The following DGKI variants were observed in gnomAD, a reference collection of about 807,000 sequenced individuals.
DGKI encodes the protein DAG kinase iota.
In DGKI, 55 loss-of-function variants were observed where a neutral mutation model predicts 147.5. That is an observed-to-expected ratio of 0.37 (90% CI 0.30 to 0.47). The LOEUF (loss-of-function observed/expected upper bound fraction) is 0.47, where lower values mean the gene tolerates loss of function less well. DGKI is among the 20% of genes least tolerant of loss of function. The probability of loss-of-function intolerance (pLI) is 1.00; values close to 1 mark genes in which losing one functional copy is unlikely to be tolerated. For missense variants in DGKI, 1,007 were observed against 1,323.8 expected, an observed-to-expected ratio of 0.76 and a Z score of 3.71; for synonymous variants, 469 against 477.1, an observed-to-expected ratio of 0.98 and a Z score of 0.22.
chr7:137,681,384 G>C (rs1823231095), intron 2 of DGKI, among the ~76,000 whole-genome samples: 1 of 152,176 alleles, frequency 6.6e-6, no homozygotes, highest in African/African-American at 2.4e-5. Flanking sequence ...TTCAGATAGT[G>C]ATGGATGATG....
At chr7:137,624,158 A>G (rs1820851194) in intron 6 of DGKI, among the ~76,000 whole-genome samples, 1 of 152,206 alleles carries the variant, frequency 6.6e-6, no homozygotes. Context: ...TGGTAAACCT[A>G]ATCCTCTTAA....
intron 1 of DGKI, among the ~76,000 whole-genome samples, chr7:137,832,083 G>A (rs10264346): frequency 0.017 from 2,582 of 152,300 alleles, 68 homozygotes; most frequent in African/African-American, 0.059. Flanking sequence ...TTGTGGCTTC[G>A]CAGGGTATAG....
intron 21 of DGKI, among the ~76,000 whole-genome samples, chr7:137,519,925 C>T (rs972702653): frequency 6.6e-6 from 1 of 152,010 alleles, no homozygotes; most frequent in African/African-American, 2.4e-5. Flanking sequence ...CCTTTATCCC[C>T]TTTTAGAGAG....
At chr7:137,555,343 T>C (rs1818188897) in intron 19 of DGKI, among the ~76,000 whole-genome samples, 1 of 151,862 alleles carries the variant, frequency 6.6e-6, no homozygotes, top group Non-Finnish European at 1.5e-5. Context: ...TAGGGCAACA[T>C]AGTCAGACTC....
intron 10 of DGKI, among the ~76,000 whole-genome samples, chr7:137,604,186 C>T (rs1335257422): frequency 6.6e-6 from 1 of 152,154 alleles, no homozygotes; most frequent in Non-Finnish European, 1.5e-5. Flanking sequence ...GATGTTGAGG[C>T]TGCATTTTGA....
intron 1 of DGKI, among the ~76,000 whole-genome samples, chr7:137,778,766 A>G (rs1243768253): frequency 6.6e-6 from 1 of 152,252 alleles, no homozygotes; most frequent in Non-Finnish European, 1.5e-5. Flanking sequence ...AGAAAGCCTC[A>G]GTTTCCTTAC....
At chr7:137,771,565 G>A (rs998575981) in intron 1 of DGKI, 2 of 152,184 alleles carry the variant, frequency 1.3e-5, no homozygotes, top group African/African-American at 4.8e-5. Context: ...TTAAACAAGA[G>A]AAAGGAATAA....
chr7:137,546,288 A>T (rs1461937452), intron 20 of DGKI, among the ~76,000 whole-genome samples: 2 of 152,112 alleles, frequency 1.3e-5, no homozygotes, highest in Non-Finnish European at 2.9e-5. Context: ...TCCCTTGCTC[A>T]GGCCCATCAG....
At chr7:137,562,440 G>T (rs1451937379) in intron 19 of DGKI, among the ~76,000 whole-genome samples, 2 of 152,162 alleles carry the variant, frequency 1.3e-5, no homozygotes, top group Non-Finnish European at 2.9e-5. Flanking sequence ...GGAGGCTGAG[G>T]CAGGAGAATC....
chr7:137,494,945 A>T (rs1815906253), intron 21 of DGKI, among the ~76,000 whole-genome samples: 1 of 152,128 alleles, frequency 6.6e-6, no homozygotes. Flanking sequence ...ATGCGATGAC[A>T]CACAAAACAT....
rs201860205 is a variant in DGKI, at chr7:137,562,645, A to G, written c.1947+8530T>C. Among the ~76,000 whole-genome samples the G allele has an allele frequency of 2.0e-5, 3 of 152,252 alleles. No homozygotes were observed. The East Asian group carries it at 5.8e-4, about 29-fold the overall frequency. On this transcript the variant is annotated intron_variant, in intron 19 of 32. Transcript: ENST00000614521. ...AGAATGGAGGGGGGATCCTACAAACAGTAAAATATTAATAGCATTGTAAAC... is the reference window on the plus strand; with the variant it reads ...AGAATGGAGGGGGGATCCTACAAACGGTAAAATATTAATAGCATTGTAAAC...
intron 15 of DGKI, among the ~76,000 whole-genome samples, chr7:137,578,532 G>C (rs1819066629): frequency 6.6e-6 from 1 of 152,208 alleles, no homozygotes; most frequent in Admixed American, 6.5e-5. Flanking sequence ...TAAATGTGTA[G>C]TTCCAAACCG....
intron 21 of DGKI, among the ~76,000 whole-genome samples, chr7:137,498,337 C>T (rs562856077): frequency 1.3e-4 from 19 of 151,282 alleles, no homozygotes; most frequent in Non-Finnish European, 2.4e-4. Context: ...AAAAACATCC[C>T]CATAATACGA....
At chr7:137,708,717 C>A (rs1331424303) in intron 1 of DGKI, among the ~76,000 whole-genome samples, 1 of 152,066 alleles carries the variant, frequency 6.6e-6, no homozygotes, top group East Asian at 1.9e-4. Flanking sequence ...AAAAACCAGA[C>A]AATACATAAG....
intron 1 of DGKI, among the ~76,000 whole-genome samples, chr7:137,776,401 A>C (rs1213250116): frequency 2.0e-5 from 3 of 152,254 alleles, no homozygotes; most frequent in Non-Finnish European, 4.4e-5. Flanking sequence ...GCAATTATAT[A>C]TAGTTTGGTC....
intron 20 of DGKI, among the ~76,000 whole-genome samples, chr7:137,544,139 A>C (rs17169237): frequency 0.02 from 3,069 of 152,268 alleles, 68 homozygotes; most frequent in South Asian, 0.11. Flanking sequence ...TAGCACGCAC[A>C]CTCATGGAAT....
At chr7:137,453,670 G>A (rs1439158819) in intron 27 of DGKI, among the ~76,000 whole-genome samples, 3 of 152,014 alleles carry the variant, frequency 2.0e-5, no homozygotes, top group African/African-American at 7.3e-5. Context: ...CAGCCTCAAA[G>A]GTAACATTCA....
rs779988185 is a variant in DGKI at position 137,469,611 on chromosome 7, T to A, written c.2382A>T (p.Glu794Asp). 6.2e-7 allele frequency: 1 copy of A among 1,613,730 alleles called. No individual in the cohort carries two copies. The highest frequency in any genetic ancestry group is 1.3e-5 in the African/African-American group (1 of 74,870). ...GSQRVHYQDH[E>D]TSFPRALSAQ... is the part of the protein sequence containing the mutation. ...CTGAGAGAGCCCTGGGGAAGGAGGT[T>A]TCATGGTCCTGGAAAGAGACACACA... The change falls in exon 24 of 33, where the codon GAA (glutamate) becomes GAT (aspartate). Residue 794 changes from glutamate to aspartate, a missense_variant. Physicochemically the swap from Glu to Asp is conservative, Grantham distance 45. Around this residue, in one of 5 missense-constraint regions of DGKI, gnomAD observed 385 missense variants for 445.2 expected, o/e 0.86. Transcript: ENST00000614521.
At chr7:137,764,672 C>T (rs1795954722) in intron 1 of DGKI, among the ~76,000 whole-genome samples, 1 of 152,158 alleles carries the variant, frequency 6.6e-6, no homozygotes, top group Admixed American at 6.5e-5. Flanking sequence ...TGCAACAGCC[C>T]TAGTTGGTAC....
Sources: allele counts gnomAD v4.1 joint callset (sites outside exome capture counted in the v4.1 genomes callset), GRCh38; gene constraint gnomAD v4.1.1; regional missense constraint gnomAD v4.1.1; transcripts MANE v1.5; gene names NCBI Gene and HGNC (gene_info 2026-07-23, HGNC 2026-07-21).